ASIP: variants seen among roughly 807,000 people sequenced by gnomAD.
ASIP encodes agouti signaling protein.
Under a neutral mutation model 10.3 loss-of-function variants are expected in ASIP, and 11 were observed. The observed-to-expected ratio is 1.07, with a 90% CI of 0.68 to 1.78. The LOEUF (loss-of-function observed/expected upper bound fraction) is 1.78. Ranked by LOEUF, ASIP falls within the 40% of genes most tolerant of loss-of-function variation. The pLI, the probability that ASIP is intolerant of heterozygous loss-of-function variation, is 0.00. For synonymous variants in ASIP, 70 were observed against 70.8 expected, an observed-to-expected ratio of 0.99 and a Z score of 0.06; for missense variants, 180 against 169.2, an observed-to-expected ratio of 1.06 and a Z score of -0.35.
chr20:34,202,933 C>T (rs571611794), intron 1 of ASIP, among the ~76,000 whole-genome samples: 198 of 151,236 alleles, frequency 1.3e-3, no homozygotes, highest in Middle Eastern at 0.01. Context: ...CTCAGCCTCC[C>T]GAGTAGCTGG....
chr20:34,256,592 C>T (rs1384906254), intron 1 of ASIP, among the ~76,000 whole-genome samples: 1 of 152,156 alleles, frequency 6.6e-6, no homozygotes, highest in African/African-American at 2.4e-5. Flanking sequence ...CGTGAGCCAC[C>T]ATGCCTGGCC....
At chr20:34,237,827 A>C (rs1251867413), upstream of ASIP, among the ~76,000 whole-genome samples, 1 of 151,804 alleles carries the variant, frequency 6.6e-6, no homozygotes, top group Non-Finnish European at 1.5e-5. Flanking sequence ...CAGTCCTCCT[A>C]TTCCTAGTTT....
At chr20:34,245,601 G>A (rs2035361053) in intron 1 of ASIP, among the ~76,000 whole-genome samples, 1 of 151,746 alleles carries the variant, frequency 6.6e-6, no homozygotes, top group African/African-American at 2.4e-5. Flanking sequence ...ATATTGGCCA[G>A]GCTGGTCTCG....
At chr20:34,186,816 G>C in the ASIP span, among the ~76,000 whole-genome samples, 1 of 151,998 alleles carries the variant, frequency 6.6e-6, no homozygotes, top group Non-Finnish European at 1.5e-5. Context: ...GTTTTGTTTT[G>C]TTTTGTTTTT....
At chr20:34,241,913 T>C (rs1388943516) in intron 1 of ASIP, among the ~76,000 whole-genome samples, 1 of 152,222 alleles carries the variant, frequency 6.6e-6, no homozygotes, top group Non-Finnish European at 1.5e-5. Flanking sequence ...GTGTAGCATT[T>C]GTTCATTTCA....
the ASIP span, among the ~76,000 whole-genome samples, chr20:34,186,801 T>TTTTTG: frequency 0.05 from 7,565 of 152,040 alleles, 314 homozygotes; most frequent in East Asian, 0.2. Context: ...CAGTAGGTTG[T>TTTTTG]TTTTGTTTTG....
At chr20:34,258,674 C>CATATATATATATATATATATATAT (rs772655085) in intron 1 of ASIP, among the ~76,000 whole-genome samples, 1,405 of 11,980 alleles carry the variant, frequency 0.12, 360 homozygotes, top group East Asian at 0.29. Flanking sequence ...AGGGGGATGC[C>CATATATATATATATATATATATAT]ATATATATAT....
At chr20:34,251,450 T>A (rs2035475177) in intron 1 of ASIP, among the ~76,000 whole-genome samples, 1 of 151,958 alleles carries the variant, frequency 6.6e-6, no homozygotes, top group Non-Finnish European at 1.5e-5. Context: ...TTTTTTTGTA[T>A]TTTTTAATAG....
At chr20:34,234,085 T>C (rs1260285622) in intron 1 of ASIP, among the ~76,000 whole-genome samples, 1 of 152,186 alleles carries the variant, frequency 6.6e-6, no homozygotes, top group African/African-American at 2.4e-5. Flanking sequence ...CCATGTCCAA[T>C]GTTATGATGG....
intron 1 of ASIP, among the ~76,000 whole-genome samples, chr20:34,209,837 G>A (rs1208051820): frequency 6.6e-6 from 1 of 152,182 alleles, no homozygotes; most frequent in Non-Finnish European, 1.5e-5. Flanking sequence ...CAGGCTCCTG[G>A]GTAGAAGGGA....
upstream of ASIP, among the ~76,000 whole-genome samples, chr20:34,240,198 G>T (rs2035266097): frequency 6.6e-6 from 1 of 152,208 alleles, no homozygotes; most frequent in South Asian, 2.1e-4. Context: ...ACTCTGATTG[G>T]TGAGTGATGG....
At chr20:34,213,851 TCA>T (rs1470782441) in intron 1 of ASIP, 2 of 1,541,370 alleles carry the variant, frequency 1.3e-6, no homozygotes, top group East Asian at 4.5e-5. Context: ...CCACACTGTT[TCA>T]CAGTCTGCTT....
chr20:34,257,538 A>T (rs1312772868), intron 1 of ASIP, among the ~76,000 whole-genome samples: 2 of 152,154 alleles, frequency 1.3e-5, no homozygotes, highest in Non-Finnish European at 2.9e-5. Flanking sequence ...TAAAAATTTT[A>T]AATATATATT....
chr20:34,211,321 C>T (rs1309184929), intron 1 of ASIP, among the ~76,000 whole-genome samples: 1 of 152,242 alleles, frequency 6.6e-6, no homozygotes, highest in African/African-American at 2.4e-5. Context: ...CTTCGGCCTC[C>T]CAAAGTGCCA....
At chr20:34,259,762 A>AT (rs2035656667) in intron 1 of ASIP, among the ~76,000 whole-genome samples, 1 of 151,902 alleles carries the variant, frequency 6.6e-6, no homozygotes. Flanking sequence ...AAAAAAAAAA[A>AT]TCCAGCTAGC....
At chr20:34,252,724 C>T (rs2035498154) in intron 1 of ASIP, among the ~76,000 whole-genome samples, 1 of 152,142 alleles carries the variant, frequency 6.6e-6, no homozygotes, top group South Asian at 2.1e-4. Context: ...ATGGTAAGGT[C>T]TTTCCTTTCC....
chr20:34,220,498 G>A (rs960803767), intron 1 of ASIP, among the ~76,000 whole-genome samples: 1 of 152,092 alleles, frequency 6.6e-6, no homozygotes, highest in Non-Finnish European at 1.5e-5. Context: ...AGGAGGCTGA[G>A]GTGGGAGGAT....
upstream of ASIP, among the ~76,000 whole-genome samples, chr20:34,192,912 T>C (rs1412528000): frequency 6.6e-6 from 1 of 152,242 alleles, no homozygotes; most frequent in East Asian, 1.9e-4. Context: ...CTCAGGATAA[T>C]TGGGATATCC....
intron 1 of ASIP, among the ~76,000 whole-genome samples, chr20:34,236,387 CA>C (rs1187618853): frequency 1.3e-5 from 2 of 151,696 alleles, no homozygotes; most frequent in African/African-American, 2.4e-5. Context: ...TAAAAATACA[CA>C]AAAAAATTAG....
Sources: allele counts gnomAD v4.1 joint callset (sites outside exome capture counted in the v4.1 genomes callset), GRCh38; gene constraint gnomAD v4.1.1; transcripts MANE v1.5; gene names NCBI Gene and HGNC (gene_info 2026-07-23, HGNC 2026-07-21).